The following LY9 variants were observed in gnomAD, a reference collection of about 807,000 sequenced individuals.
The protein encoded by LY9 is T-lymphocyte surface antigen Ly-9.
Under a neutral mutation model 64.6 loss-of-function variants are expected in LY9, and 59 were observed. That is an observed-to-expected ratio of 0.91 (90% CI 0.74 to 1.13). LY9 has a LOEUF of 1.13. Ranked by LOEUF, LY9 falls within the 50% of genes most tolerant of loss-of-function variation. LY9 has a pLI of 0.00. For synonymous variants in LY9, 281 were observed against 308.5 expected, an observed-to-expected ratio of 0.91 and a Z score of 0.93; for missense variants, 789 against 797.2, an observed-to-expected ratio of 0.99 and a Z score of 0.12.
intron 4 of LY9, among the ~76,000 whole-genome samples, 193 bp from the exon 5 acceptor site, chr1:160,816,401 A>G (rs1025620931): frequency 6.6e-6 from 1 of 152,218 alleles, no homozygotes; most frequent in African/African-American, 2.4e-5. Flanking sequence ...ATCAAGAGGC[A>G]AAGAGGTGTG....
At chr1:160,802,725 T>TAAAA (rs1319245901) in intron 2 of LY9, 1 of 913,808 alleles carries the variant, frequency 1.1e-6, no homozygotes, top group Non-Finnish European at 1.3e-6. Flanking sequence ...AATAAATAAA[T>TAAAA]AAAAAGTATC....
intron 2 of LY9, chr1:160,802,884 A>G (rs527238067): frequency 8.2e-5 from 13 of 159,212 alleles, no homozygotes; most frequent in African/African-American, 2.9e-4. Flanking sequence ...ATAGCCATAT[A>G]CAGTATACTG....
At chr1:160,802,784 C>T (rs1666626007) in intron 2 of LY9, 1 of 495,054 alleles carries the variant, frequency 2.0e-6, no homozygotes, top group Non-Finnish European at 2.6e-6. Flanking sequence ...GGTCAATTGG[C>T]TATAAACCTG....
At chr1:160,803,481 G>C (rs902126040) in intron 2 of LY9, among the ~76,000 whole-genome samples, 1 of 151,952 alleles carries the variant, frequency 6.6e-6, no homozygotes, top group African/African-American at 2.4e-5. Flanking sequence ...TCAGTGTTTT[G>C]TAGTTTGCCT....
intron 1 of LY9, among the ~76,000 whole-genome samples, chr1:160,796,671 G>A (rs149437028): frequency 1.2e-4 from 19 of 152,308 alleles, no homozygotes; most frequent in African/African-American, 4.1e-4. Flanking sequence ...GATTACAGGC[G>A]TGAGCCCAGT....
At chr1:160,804,846 T>C (rs1051453912) in intron 2 of LY9, among the ~76,000 whole-genome samples, 5 of 152,162 alleles carry the variant, frequency 3.3e-5, no homozygotes, top group African/African-American at 1.2e-4. Context: ...AATTTATCCA[T>C]TTTCTCTAGG....
At chr1:160,802,738 T>C in intron 2 of LY9, 1 of 884,368 alleles carries the variant, frequency 1.1e-6, no homozygotes, top group Non-Finnish European at 1.4e-6. Flanking sequence ...AAAGTATCTT[T>C]TCTCCCCAGT....
chr1:160,821,126 C>G (rs1480469987), intron 7 of LY9, among the ~76,000 whole-genome samples: 1 of 86,788 alleles, frequency 1.2e-5, no homozygotes, highest in Non-Finnish European at 2.2e-5. Context: ...GCACTCCAAC[C>G]TGGGCAAAAA....
At position 160,814,628 on chromosome 1, in the gene LY9, G is replaced by A. The variant is rs1557806777; in HGVS notation, c.939G>A (p.Val313=). 2.5e-6 allele frequency: 4 copies of A among 1,614,220 alleles called. No individual in the cohort carries two copies. The highest frequency in any genetic ancestry group is 3.4e-6 in the Non-Finnish European group (4 of 1,180,030). ...IKSRDPYKNR[V]WVSSQDCSLK... Reference sequence around the variant, plus strand: ...CCAGGGATCCTTACAAGAACAGGGTGTGGGTCTCCAGCCAGGACTGCTCCC... The same window carrying A: ...CCAGGGATCCTTACAAGAACAGGGTATGGGTCTCCAGCCAGGACTGCTCCC... The change falls in exon 4 of 10, where the codon GTG becomes GTA. Residue 313 remains valine, a synonymous_variant. Coordinates refer to ENST00000263285, the MANE Select transcript of LY9 (RefSeq NM_002348.4).
chr1:160,808,467 C>T (rs190156758), intron 2 of LY9, among the ~76,000 whole-genome samples: 8 of 152,260 alleles, frequency 5.3e-5, no homozygotes, highest in South Asian at 2.1e-4. Context: ...GGAGCAGTTC[C>T]GCCCCACAGT....
At chr1:160,813,462 T>A in intron 2 of LY9, 174 bp from the exon 3 acceptor site, 1 of 614,498 alleles carries the variant, frequency 1.6e-6, no homozygotes, top group Non-Finnish European at 2.9e-6. Flanking sequence ...GCGGATGTTA[T>A]GGGAGTACAG....
At position 160,827,744 on chromosome 1, in the gene LY9, A is replaced by G; in HGVS notation, c.1900-4A>G. 6.2e-7 allele frequency: 1 copy of G among 1,602,576 alleles called. No homozygotes were observed. The highest frequency in any genetic ancestry group is 8.5e-7 in the Non-Finnish European group (1 of 1,174,812). On this transcript the variant is annotated splice_polypyrimidine_tract_variant and splice_region_variant and intron_variant, in intron 9 of 9. Transcript: ENST00000263285. The stretch of plus-strand genomic sequence containing the variant: ...ATATTCTTTTGTGGATTTTTGGCTC[A>G]CAGGTGGTGCCACCACCACAACAGA...
chr1:160,822,177 C>A (rs1033167985), intron 7 of LY9, among the ~76,000 whole-genome samples: 2 of 151,830 alleles, frequency 1.3e-5, no homozygotes, highest in African/African-American at 4.8e-5. Context: ...AGTTTAGGAG[C>A]GGACGTTCAA....
chr1:160,810,931 A>C (rs1402750704), intron 2 of LY9: 2 of 152,258 alleles, frequency 1.3e-5, no homozygotes, highest in African/African-American at 2.4e-5. Flanking sequence ...ATTGGGAAGA[A>C]GAAAAAAGTC....
chr1:160,805,019 T>C (rs1226563161), intron 2 of LY9, among the ~76,000 whole-genome samples: 1 of 152,120 alleles, frequency 6.6e-6, no homozygotes, highest in Non-Finnish European at 1.5e-5. Context: ...AGCTAGCAGG[T>C]TATTAATTTT....
rs1420880491 is a variant in LY9, at chr1:160,797,458, G to C, written c.124+1147G>C. Among the ~76,000 whole-genome samples the C allele has an allele frequency of 1.5e-4, 23 of 152,186 alleles. 1 individual carries two copies. The highest frequency in any genetic ancestry group is 1.4e-3 in the Admixed American group (21 of 15,270). On this transcript the variant is annotated intron_variant, in intron 1 of 9. Transcript: ENST00000263285. ...ATCAAAACACACAGAAAGCAGCAAGGCTGTTTATGTTTACCTCCAACCTTT... is the reference window on the plus strand; with the variant it reads ...ATCAAAACACACAGAAAGCAGCAAGCCTGTTTATGTTTACCTCCAACCTTT...
intron 2 of LY9, chr1:160,810,230 A>G (rs1486464701): frequency 6.6e-6 from 1 of 152,228 alleles, no homozygotes; most frequent in East Asian, 1.9e-4. Context: ...GTAACTCTCT[A>G]TTAATATTCT....
Position 160,824,979 on chromosome 1 carries a change from C to CAAAAA in LY9, c.1899+748_1899+752dup, listed in dbSNP as rs60603957. ...TGGGCAACAGAACAAGACTCCATCT[C>CAAAAA]AAAAAAAAAAAAAAAAAAAAAATTC... On this transcript the variant is annotated intron_variant, in intron 9 of 9. Coordinates refer to ENST00000263285, the MANE Select transcript of LY9 (RefSeq NM_002348.4). Among the ~76,000 whole-genome samples, 181 of 59,406 alleles carry CAAAAA rather than the reference C, an allele frequency of 3.0e-3. 1 individual carries two copies. Among genetic ancestry groups the CAAAAA allele is most frequent in the South Asian group, 0.014 (25 of 1,770 alleles). The allele number at this position is 59,406 out of a possible 152,430, so 39.0% of individuals were successfully genotyped here.
At chr1:160,819,790 CAAAAA>C (rs147882749) in intron 7 of LY9, among the ~76,000 whole-genome samples, 3 of 87,270 alleles carry the variant, frequency 3.4e-5, no homozygotes, top group Admixed American at 1.3e-4. Context: ...GACTCTGTCT[CAAAAA>C]AAAAAAAAAA....
Sources: allele counts gnomAD v4.1 joint callset (sites outside exome capture counted in the v4.1 genomes callset), GRCh38; gene constraint gnomAD v4.1.1; transcripts MANE v1.5; gene names NCBI Gene and HGNC (gene_info 2026-07-23, HGNC 2026-07-21).